The following FAM53B variants were observed in gnomAD, a reference collection of about 807,000 sequenced individuals.
FAM53B encodes the protein family with sequence similarity 53 member B, also known as protein FAM53B.
Under a neutral mutation model 32.7 loss-of-function variants are expected in FAM53B, and 12 were observed. The ratio of observed to expected loss-of-function variants is 0.37; its 90% CI spans 0.24 to 0.59. FAM53B has a LOEUF of 0.59. Among genes scored for constraint, FAM53B ranks in the 20% least tolerant of loss-of-function variants. The pLI is 0.72. For synonymous variants in FAM53B, 234 were observed against 228.7 expected, an observed-to-expected ratio of 1.02 and a Z score of -0.21; for missense variants, 477 against 577.7, an observed-to-expected ratio of 0.83 and a Z score of 1.79.
chr10:124,741,675 G>A (rs1262461887), intron 1 of FAM53B, among the ~76,000 whole-genome samples: 1 of 152,122 alleles, frequency 6.6e-6, no homozygotes, highest in Non-Finnish European at 1.5e-5. Context: ...AGGGGAAAGA[G>A]AAAGACTAAA....
intron 1 of FAM53B, among the ~76,000 whole-genome samples, chr10:124,723,702 G>A (rs1001857223): frequency 1.3e-5 from 2 of 152,226 alleles, no homozygotes; most frequent in African/African-American, 2.4e-5. Flanking sequence ...AGCACTTGCA[G>A]GGCCGGCCCT....
intron 1 of FAM53B, among the ~76,000 whole-genome samples, chr10:124,731,740 G>A (rs550810756): frequency 6.6e-6 from 1 of 152,140 alleles, no homozygotes; most frequent in East Asian, 1.9e-4. Flanking sequence ...GTGAGGTGTG[G>A]CATGCTAGAC....
chr10:124,705,766 T>A (rs929830317), intron 2 of FAM53B: 11 of 152,214 alleles, frequency 7.2e-5, no homozygotes, highest in African/African-American at 2.4e-4. Flanking sequence ...GACCTAGGTC[T>A]ATCTGCTCAA....
intron 2 of FAM53B, among the ~76,000 whole-genome samples, chr10:124,701,340 A>C (rs1485124682): frequency 6.6e-6 from 1 of 152,228 alleles, no homozygotes; most frequent in Non-Finnish European, 1.5e-5. Context: ...GTACAGAAGG[A>C]AGTGCTTGTT....
intron 4 of FAM53B, among the ~76,000 whole-genome samples, chr10:124,665,764 T>TC (rs1230470034): frequency 1.3e-5 from 2 of 152,192 alleles, no homozygotes; most frequent in Non-Finnish European, 2.9e-5. Context: ...CTAACTGTCC[T>TC]CTCCATTGCT....
At chr10:124,630,184 A>T (rs1949381322) in intron 4 of FAM53B, among the ~76,000 whole-genome samples, 1 of 152,254 alleles carries the variant, frequency 6.6e-6, no homozygotes. Context: ...AGGCCAAGGC[A>T]GGTGGATTGC....
At chr10:124,642,012 G>A (rs1949478210) in intron 4 of FAM53B, among the ~76,000 whole-genome samples, 1 of 152,240 alleles carries the variant, frequency 6.6e-6, no homozygotes, top group Non-Finnish European at 1.5e-5. Flanking sequence ...CCTAAAGCAG[G>A]TACACAACTG....
chr10:124,651,765 A>G lies in FAM53B; in HGVS notation c.907-28161T>C, dbSNP rs1248053961. On this transcript the variant is annotated intron_variant, in intron 4 of 4. Coordinates refer to ENST00000337318, the MANE Select transcript of FAM53B (RefSeq NM_014661.4). The surrounding 1 kb of genome is among the most constrained non-coding windows in gnomAD (Gnocchi z 5.2). ...TAGCCCCTGCCTCAGGTCGGCAGTG[A>G]CTGGGCACTGGCACATGGCGGGGAC... 1.3e-5 allele frequency among the ~76,000 whole-genome samples: 2 copies of G among 152,210 alleles called. No individual in the cohort carries two copies. Among genetic ancestry groups the G allele is most frequent in the Non-Finnish European group, 2.9e-5 (2 of 68,032 alleles).
intron 4 of FAM53B, among the ~76,000 whole-genome samples, chr10:124,676,113 C>T (rs1308328071): frequency 6.6e-6 from 1 of 152,358 alleles, no homozygotes; most frequent in African/African-American, 2.4e-5. Context: ...AGGCTCTCTT[C>T]CTTTGTTCAA....
At chr10:124,699,593 A>C (rs549107148) in intron 2 of FAM53B, among the ~76,000 whole-genome samples, 40 of 152,348 alleles carry the variant, frequency 2.6e-4, no homozygotes, top group South Asian at 1.2e-3. Context: ...CTCACTGAAC[A>C]GATGAAACCG....
In FAM53B at chr10:124,682,200, G is replaced by C; in HGVS notation, c.313C>G (p.Pro105Ala). 1 of 1,613,966 alleles carries C rather than the reference G, an allele frequency of 6.2e-7. No homozygotes were observed. The highest frequency in any genetic ancestry group is 1.1e-5 in the South Asian group (1 of 91,046). Residue 105 changes from proline (P) to alanine (A), a missense_variant, in exon 4 of 5, where the codon CCC becomes GCC. By Grantham distance (27) the Pro-to-Ala change is conservative (BLOSUM62 -1). Around this residue, in one of 2 missense-constraint regions of FAM53B, gnomAD observed 312 missense variants for 420.2 expected, o/e 0.74. Transcript: ENST00000337318. This position sits in a 1 kb window ranked among gnomAD's most constrained non-coding sequence, Gnocchi z 5.2. ...TGGCGCTTGCTAGGGGGTGCTGAGG[G>C]GTTCCCGTTGTGGTCGCTGATGCTG... is the stretch of plus-strand genomic sequence containing the variant. ...DLSISDHNGN[P>A]SAPPSKRQCR...
chr10:124,688,902 C>A (rs1302377434), intron 3 of FAM53B, among the ~76,000 whole-genome samples: 1 of 152,166 alleles, frequency 6.6e-6, no homozygotes, highest in East Asian at 1.9e-4. Context: ...AGCTTTATAG[C>A]CCTAGAGAGC....
At chr10:124,712,580 G>C (rs551705140) in intron 1 of FAM53B, among the ~76,000 whole-genome samples, 3 of 152,124 alleles carry the variant, frequency 2.0e-5, no homozygotes, top group Non-Finnish European at 4.4e-5. Context: ...CTGTATTTAA[G>C]TCTTGTATTG....
At chr10:124,667,131 C>G in intron 4 of FAM53B, 1 of 480,912 alleles carries the variant, frequency 2.1e-6, no homozygotes, top group Non-Finnish European at 3.7e-6. Context: ...AAACTGAGAC[C>G]TGCTGTCACC....
chr10:124,641,491 G>T (rs1051530963), intron 4 of FAM53B, among the ~76,000 whole-genome samples: 1 of 152,200 alleles, frequency 6.6e-6, no homozygotes, highest in African/African-American at 2.4e-5. Context: ...AACCCACTGG[G>T]GAGGTGCCTC....
intron 1 of FAM53B, among the ~76,000 whole-genome samples, chr10:124,716,409 C>T (rs1027658081): frequency 7.2e-5 from 11 of 152,204 alleles, no homozygotes; most frequent in African/African-American, 2.4e-5. Flanking sequence ...CAAATCGGAA[C>T]TCTGTTCTCC....
At chr10:124,743,488 G>A (rs1378741506) in intron 1 of FAM53B, among the ~76,000 whole-genome samples, 1 of 152,142 alleles carries the variant, frequency 6.6e-6, no homozygotes, top group East Asian at 1.9e-4. Flanking sequence ...CAGCAGCAGC[G>A]GAGCCCGCCG....
chr10:124,741,902 T>C lies in FAM53B; in HGVS notation c.-175+2111A>G, dbSNP rs185463033. Among the ~76,000 whole-genome samples the C allele has an allele frequency of 2.7e-4, 41 of 152,320 alleles. No individual in the cohort carries two copies. The East Asian group carries it at 7.7e-3, about 29-fold the overall frequency. On this transcript the variant is annotated intron_variant, in intron 1 of 4. Transcript: ENST00000337318. ...ACCAAGACAGTGGAATGCTCTCTAC[T>C]TTGTCCTGAGAAGACTGGAACATTC... is the stretch of plus-strand genomic sequence containing the variant.
intron 4 of FAM53B, among the ~76,000 whole-genome samples, chr10:124,640,897 G>A (rs185396986): frequency 6.6e-6 from 1 of 152,330 alleles, no homozygotes; most frequent in Non-Finnish European, 1.5e-5. Context: ...CCCGGCAAAG[G>A]CCGCAGAGGG....
Sources: allele counts gnomAD v4.1 joint callset (sites outside exome capture counted in the v4.1 genomes callset), GRCh38; gene constraint gnomAD v4.1.1; regional missense constraint gnomAD v4.1.1; non-coding constraint Gnocchi (gnomAD v3.1); transcripts MANE v1.5; gene names NCBI Gene and HGNC (gene_info 2026-07-23, HGNC 2026-07-21).